Variants in ATP2A2 observed in about 807,000 individuals in gnomAD.
ATP2A2 encodes the protein ATPase sarcoplasmic/endoplasmic reticulum Ca2+ transporting 2, also known as sarcoplasmic/endoplasmic reticulum calcium ATPase 2.
ATP2A2 carries 14 observed loss-of-function variants against 109.3 expected under a neutral mutation model. The ratio of observed to expected loss-of-function variants is 0.13; its 90% CI spans 0.08 to 0.20. The LOEUF (loss-of-function observed/expected upper bound fraction) is 0.20, where lower values mean the gene tolerates loss of function less well. Among genes scored for constraint, ATP2A2 ranks in the 10% least tolerant of loss-of-function variants. The pLI is 1.00. For synonymous variants in ATP2A2, 506 were observed against 490.9 expected (o/e 1.03, Z -0.41); for missense variants, 657 against 1,321.6 (o/e 0.50, Z 7.80).
intron 5 of ATP2A2, among the ~76,000 whole-genome samples, chr12:110,300,115 T>TTCCCTCCCCTCCCC (rs1874418628): frequency 8.4e-6 from 1 of 119,350 alleles, no homozygotes; most frequent in African/African-American, 3.6e-5. Context: ...TCCTCCCCCT[T>TTCCCTCCCCTCCCC]TCCCTCCCCT....
At chr12:110,297,489 CAGG>C (rs1022355325) in intron 5 of ATP2A2, among the ~76,000 whole-genome samples, 1 of 151,748 alleles carries the variant, frequency 6.6e-6, no homozygotes, top group African/African-American at 2.4e-5. Flanking sequence ...TACACTGAGC[CAGG>C]AGTCTCTGCC....
chr12:110,344,644 A>G lies in ATP2A2; in HGVS notation c.2522-242A>G, dbSNP rs114089175. On this transcript the variant is annotated intron_variant, in intron 16 of 19. Coordinates refer to ENST00000539276, the MANE Select transcript of ATP2A2 (RefSeq NM_170665.4). ...CAGGATGGAGCAAGTGCTTTTTCTC[A>G]CACATTCTGGAGGAAAAGTTATCCA... Among the ~76,000 whole-genome samples the G allele has an allele frequency of 8.2e-3, 1,243 of 152,286 alleles. 1 individual carries two copies. Among genetic ancestry groups the G allele is most frequent in the Non-Finnish European group, 9.5e-3 (644 of 68,010 alleles).
intron 5 of ATP2A2, among the ~76,000 whole-genome samples, chr12:110,303,495 C>T (rs899312640): frequency 6.6e-6 from 1 of 152,134 alleles, no homozygotes; most frequent in Non-Finnish European, 1.5e-5. Flanking sequence ...ACTGCAACCT[C>T]CGACTCCCTG....
intron 5 of ATP2A2, among the ~76,000 whole-genome samples, chr12:110,303,421 T>C (rs1455732927): frequency 1.3e-5 from 2 of 151,946 alleles, no homozygotes; most frequent in Non-Finnish European, 2.9e-5. Context: ...TTTGTTTGTT[T>C]GTTTGTTTTG....
At chr12:110,315,678 C>T (rs1178182155) in intron 5 of ATP2A2, among the ~76,000 whole-genome samples, 5 of 152,140 alleles carry the variant, frequency 3.3e-5, no homozygotes, top group Admixed American at 2.6e-4. Context: ...CGGTGGCTCA[C>T]GCCTGTAATC....
chr12:110,321,110 C>T (rs1480560035), intron 5 of ATP2A2, among the ~76,000 whole-genome samples: 1 of 152,142 alleles, frequency 6.6e-6, no homozygotes, highest in East Asian at 1.9e-4. Context: ...CGCCTGTAGT[C>T]CCGGTTGATC....
In ATP2A2 at chr12:110,312,849, C is replaced by CAA. The variant is rs34180879; in HGVS notation, c.464-10128_464-10127dup. Among the ~76,000 whole-genome samples the CAA allele has an allele frequency of 2.0e-3, 130 of 66,196 alleles. 1 individual carries two copies. The highest frequency in any genetic ancestry group is 0.019 in the South Asian group (41 of 2,142). The allele number at this position is 66,196 out of a possible 152,430, so 43.4% of individuals were successfully genotyped here. On this transcript the variant is annotated intron_variant, in intron 5 of 19. Coordinates refer to ENST00000539276, the MANE Select transcript of ATP2A2 (RefSeq NM_170665.4). ...TGAGGGACAGAGCGAGACTCTGTTG[C>CAA]AAAAAAAAAAAAAAAAGAAAACAAA...
chr12:110,299,250 C>A (rs1048825030), intron 5 of ATP2A2, among the ~76,000 whole-genome samples: 2 of 151,904 alleles, frequency 1.3e-5, no homozygotes, highest in Non-Finnish European at 2.9e-5. Flanking sequence ...GGATTACAGA[C>A]GTGAGCCCAC....
At chr12:110,293,864 G>GTGTGTGTGTGTGTGTGTA (rs1262234570) in intron 4 of ATP2A2, among the ~76,000 whole-genome samples, 1 of 84,890 alleles carries the variant, frequency 1.2e-5, no homozygotes, top group African/African-American at 6.4e-5. Flanking sequence ...GTGTGTGTGT[G>GTGTGTGTGTGTGTGTGTA]TATATATTTT....
intron 4 of ATP2A2, among the ~76,000 whole-genome samples, chr12:110,293,540 A>G (rs1873586037): frequency 6.6e-6 from 1 of 151,142 alleles, no homozygotes; most frequent in Admixed American, 6.6e-5. Context: ...GATTACAGGC[A>G]CGTGCCACCA....
In ATP2A2 at chr12:110,310,632, AT is replaced by A. The variant is rs200737093; in HGVS notation, c.464-12357del. On this transcript the variant is annotated intron_variant, in intron 5 of 19. Transcript: ENST00000539276. ...ACTCTGGAGCGAATCATCTTTTAAGATTTAAGTAGTGGAAGCAACACAATCT... is the reference window on the plus strand; with the variant it reads ...ACTCTGGAGCGAATCATCTTTTAAGATTAAGTAGTGGAAGCAACACAATCT... 8.1e-3 allele frequency among the ~76,000 whole-genome samples: 1,234 copies of A among 152,320 alleles called. 1 individual carries two copies. The highest frequency in any genetic ancestry group is 9.5e-3 in the Non-Finnish European group (643 of 68,032).
chr12:110,321,995 C>CTT (rs555616619), intron 5 of ATP2A2, among the ~76,000 whole-genome samples: 1 of 147,252 alleles, frequency 6.8e-6, no homozygotes. Context: ...ATTGATATTT[C>CTT]TTTTTTTTTT....
At position 110,292,002 on chromosome 12, in the gene ATP2A2, G is replaced by T. The variant is rs35235621; in HGVS notation, c.220-18G>T. 6.2e-7 allele frequency: 1 copy of T among 1,601,236 alleles called. No individual in the cohort carries two copies. ...TAAGCCTAAAAAGACACATTCTAAC[G>T]TGCCATTTCTCTTCTAGGTTTTGGC... On this transcript the variant is annotated intron_variant, in intron 3 of 19. Coordinates refer to ENST00000539276, the MANE Select transcript of ATP2A2 (RefSeq NM_170665.4).
chr12:110,282,509 TTC>T, intron 1 of ATP2A2, 93 bp from the exon 2 acceptor site: 2 of 1,479,058 alleles, frequency 1.4e-6, no homozygotes, highest in Admixed American at 3.4e-5. Flanking sequence ...ATTGTAGCAG[TTC>T]TTTTTAGAAA....
chr12:110,301,520 A>G (rs1874640590), intron 5 of ATP2A2, among the ~76,000 whole-genome samples: 2 of 152,168 alleles, frequency 1.3e-5, no homozygotes. Flanking sequence ...TGTCTCCAGA[A>G]CACACCCAAG....
intron 9 of ATP2A2, among the ~76,000 whole-genome samples, chr12:110,332,970 T>A (rs1455219902): frequency 6.6e-6 from 1 of 152,232 alleles, no homozygotes; most frequent in Non-Finnish European, 1.5e-5. Context: ...ATTTCTGGTC[T>A]TTTTACTGAT....
intron 11 of ATP2A2, chr12:110,334,434 C>G (rs1170939663): frequency 2.2e-6 from 1 of 457,864 alleles, no homozygotes; most frequent in Non-Finnish European, 4.0e-6. Flanking sequence ...GAAGCCACCT[C>G]CTCCCAACAT....
At position 110,293,826 on chromosome 12, in the gene ATP2A2, ATGTGTG is replaced by A. The variant is rs59260681; in HGVS notation, c.324+1736_324+1741del. 5.6e-3 allele frequency among the ~76,000 whole-genome samples: 606 copies of A among 108,570 alleles called. 15 individuals carry two copies. The highest frequency in any genetic ancestry group is 0.019 in the African/African-American group (483 of 25,532). 71.2% of individuals were successfully genotyped at this position (108,570 alleles called of 152,430 possible). A position where few individuals can be genotyped will look rare whatever the true frequency, so the allele number is the denominator to read the frequency against. ...AGAGATTTGTAATTGTGCCATATAT[ATGTGTG>A]TGTGTGTGTGTGTGTGTGTGTGTGT... On this transcript the variant is annotated intron_variant, in intron 4 of 19. Transcript: ENST00000539276.
chr12:110,347,891 C>T lies in ATP2A2; in HGVS notation c.*1421C>T. 3 of 997,692 alleles carry T rather than the reference C, an allele frequency of 3.0e-6. No individual in the cohort carries two copies. The highest frequency in any genetic ancestry group is 8.8e-5 in the South Asian group (2 of 22,704). 61.8% of individuals were successfully genotyped at this position (997,692 alleles called of 1,614,324 possible). ...ACTAACTTATAAGCCGCCTCCATGG[C>T]AGATGCTGCTGTGCTCCCTGATGCC... On this transcript the variant is annotated 3_prime_UTR_variant, in exon 20 of 20. Transcript: ENST00000539276.
Sources: gnomAD v4.1 joint callset for allele counts (sites outside exome capture counted in the v4.1 genomes callset) on GRCh38, gnomAD v4.1.1 for gene constraint, MANE v1.5 for transcripts, NCBI Gene and HGNC (gene_info 2026-07-23, HGNC 2026-07-21) for gene names.